GRK4: variants seen among roughly 807,000 people sequenced by gnomAD.
The protein encoded by GRK4 is G protein-coupled receptor kinase 4, also known as G protein-coupled receptor kinase 2-like.
GRK4 carries 73 observed loss-of-function variants against 77.9 expected under a neutral mutation model. The ratio of observed to expected loss-of-function variants is 0.94; its 90% CI spans 0.78 to 1.14. GRK4 has a LOEUF of 1.14. Among genes scored for constraint, GRK4 ranks in the 50% most tolerant of loss-of-function variants. The probability of loss-of-function intolerance (pLI) is 0.00; values close to 1 mark genes in which losing one functional copy is unlikely to be tolerated. For synonymous variants in GRK4, 257 were observed against 254.4 expected (o/e 1.01, Z -0.10); for missense variants, 729 against 700.2 (o/e 1.04, Z -0.46).
intron 10 of GRK4, among the ~76,000 whole-genome samples, chr4:3,025,387 A>ATTT (rs71180111): frequency 3.7e-4 from 41 of 112,234 alleles, no homozygotes; most frequent in African/African-American, 6.2e-4. Context: ...TAGCGATCTA[A>ATTT]TTTTTTTTTT....
rs577994374 is a variant in GRK4 at position 2,978,547 on chromosome 4, G to A, written c.53-5966G>A. On this transcript the variant is annotated intron_variant, in intron 1 of 15. Coordinates refer to ENST00000398052, the MANE Select transcript of GRK4 (RefSeq NM_182982.3). Reference sequence around the variant, plus strand: ...AGCTGCTTGGAAACAGAGTTCACTGGTTCCAGAGGCTCAAAATCGTAGTTG... The same window carrying A: ...AGCTGCTTGGAAACAGAGTTCACTGATTCCAGAGGCTCAAAATCGTAGTTG... Among the ~76,000 whole-genome samples, 71 of 152,312 alleles carry A rather than the reference G, an allele frequency of 4.7e-4. 1 individual carries two copies. The highest frequency in any genetic ancestry group is 1.4e-3 in the African/African-American group (60 of 41,584).
intron 2 of GRK4, among the ~76,000 whole-genome samples, chr4:2,987,632 G>C (rs1033299070): frequency 2.0e-5 from 3 of 152,156 alleles, no homozygotes; most frequent in African/African-American, 7.2e-5. Context: ...CACTTGTTTT[G>C]TGTATGTACT....
At chr4:2,998,207 A>C (rs1480632018) in intron 4 of GRK4, among the ~76,000 whole-genome samples, 3 of 152,082 alleles carry the variant, frequency 2.0e-5, no homozygotes, top group Non-Finnish European at 4.4e-5. Flanking sequence ...AAAATACAAA[A>C]ATTAGCTGGG....
intron 4 of GRK4, among the ~76,000 whole-genome samples, chr4:2,994,441 C>G (rs566171750): frequency 6.6e-6 from 1 of 152,290 alleles, no homozygotes; most frequent in Non-Finnish European, 1.5e-5. Flanking sequence ...GAACTCCTGG[C>G]CTCAAGTGAT....
At position 3,001,195 on chromosome 4, in the gene GRK4, G is replaced by A. The variant is rs866855895; in HGVS notation, c.340-3036G>A. Among the ~76,000 whole-genome samples the A allele has an allele frequency of 2.8e-4, 14 of 50,156 alleles. 1 individual carries two copies. The highest frequency in any genetic ancestry group is 1.2e-3 in the African/African-American group (10 of 8,074). The allele number at this position is 50,156 out of a possible 152,430, so 32.9% of individuals were successfully genotyped here. ...TATATATGTGTATGTGTATATATATGTATATATGTGTATGTGTATATATAT... is the reference window on the plus strand; with the variant it reads ...TATATATGTGTATGTGTATATATATATATATATGTGTATGTGTATATATAT... On this transcript the variant is annotated intron_variant, in intron 4 of 15. Transcript: ENST00000398052.
intron 13 of GRK4, among the ~76,000 whole-genome samples, chr4:3,037,016 G>A (rs1020778958): frequency 1.3e-5 from 2 of 151,454 alleles, no homozygotes; most frequent in African/African-American, 4.9e-5. Flanking sequence ...TTGCACTACG[G>A]AAAGGAGAAG....
At chr4:2,987,001 T>C (rs1724589209) in intron 2 of GRK4, 1 of 367,024 alleles carries the variant, frequency 2.7e-6, no homozygotes, top group Non-Finnish European at 5.3e-6. Flanking sequence ...TTAAAGTATA[T>C]AATTCAATAG....
intron 7 of GRK4, among the ~76,000 whole-genome samples, chr4:3,011,671 T>G (rs1732959085): frequency 6.6e-6 from 1 of 152,234 alleles, no homozygotes; most frequent in Non-Finnish European, 1.5e-5. Context: ...CTTGCCCTCA[T>G]GCGGGGACAG....
At chr4:3,037,550 AAC>A (rs1184374883) in intron 14 of GRK4, 39 bp downstream of exon 14, 1 of 1,572,960 alleles carries the variant, frequency 6.4e-7, no homozygotes, top group Non-Finnish European at 8.7e-7. Flanking sequence ...CGTTAGTTCC[AAC>A]AGTGACCCAG....
At chr4:2,992,079 T>C in intron 3 of GRK4, 136 bp from the exon 4 acceptor site, 1 of 523,816 alleles carries the variant, frequency 1.9e-6, no homozygotes, top group East Asian at 3.0e-5. Flanking sequence ...GATCTCGCTA[T>C]GTTGCTCAGG....
At chr4:2,974,569 C>T (rs1306929868) in intron 1 of GRK4, among the ~76,000 whole-genome samples, 1 of 152,212 alleles carries the variant, frequency 6.6e-6, no homozygotes, top group African/African-American at 2.4e-5. Context: ...ATATCTCCTT[C>T]TGAGAAGCTG....
chr4:2,975,328 C>G (rs1720791653), intron 1 of GRK4, among the ~76,000 whole-genome samples: 1 of 152,164 alleles, frequency 6.6e-6, no homozygotes, highest in Non-Finnish European at 1.5e-5. Flanking sequence ...GACCTCTGCT[C>G]TATTTCCTCC....
chr4:2,975,417 T>C (rs145022073), intron 1 of GRK4, among the ~76,000 whole-genome samples: 1 of 152,206 alleles, frequency 6.6e-6, no homozygotes, highest in African/African-American at 2.4e-5. Flanking sequence ...ATACCTAATA[T>C]ACCGTGGGGG....
At position 2,998,576 on chromosome 4, in the gene GRK4, C is replaced by CA. The variant is rs59296322; in HGVS notation, c.340-5646dup. ...TTCCTATATATTAGCAATTAAAATCCAAAAAAAAAGAAATTAAGAAAGCAA... is the reference window on the plus strand; with the variant it reads ...TTCCTATATATTAGCAATTAAAATCCAAAAAAAAAAGAAATTAAGAAAGCAA... On this transcript the variant is annotated intron_variant, in intron 4 of 15. Transcript: ENST00000398052. 1.5e-3 allele frequency among the ~76,000 whole-genome samples: 221 copies of CA among 148,026 alleles called. 1 individual carries two copies. Among genetic ancestry groups the CA allele is most frequent in the Middle Eastern group, 3.5e-3 (1 of 286 alleles).
intron 14 of GRK4, among the ~76,000 whole-genome samples, chr4:3,037,930 A>C (rs1236516249): frequency 6.6e-6 from 1 of 152,044 alleles, no homozygotes; most frequent in East Asian, 1.9e-4. Flanking sequence ...AAAAAAAAAA[A>C]AAAAAGATTG....
chr4:3,020,830 G>A (rs955723734), intron 9 of GRK4, among the ~76,000 whole-genome samples: 1 of 138,002 alleles, frequency 7.2e-6, no homozygotes, highest in African/African-American at 2.7e-5. Flanking sequence ...GAAAAAAAAG[G>A]ATGCTTGCGT....
At chr4:3,027,462 T>C (rs1317729555) in intron 10 of GRK4, among the ~76,000 whole-genome samples, 1 of 152,248 alleles carries the variant, frequency 6.6e-6, no homozygotes, top group African/African-American at 2.4e-5. Flanking sequence ...TCCCTGACTC[T>C]ATTACCATTT....
intron 4 of GRK4, among the ~76,000 whole-genome samples, chr4:2,997,764 C>T (rs1270595408): frequency 2.0e-5 from 3 of 151,734 alleles, no homozygotes; most frequent in Non-Finnish European, 2.9e-5. Flanking sequence ...AAATATTAGC[C>T]GGCCATGGTG....
At chr4:3,037,540 C>A (rs201665734) in intron 14 of GRK4, 29 bp downstream of exon 14, 3 of 1,580,642 alleles carry the variant, frequency 1.9e-6, no homozygotes, top group Non-Finnish European at 2.6e-6. Flanking sequence ...AGCCGCTTTA[C>A]GTTAGTTCCA....
Sources: allele counts gnomAD v4.1 joint callset (sites outside exome capture counted in the v4.1 genomes callset), GRCh38; gene constraint gnomAD v4.1.1; transcripts MANE v1.5; gene names NCBI Gene and HGNC (gene_info 2026-07-23, HGNC 2026-07-21).